Variants in LRP11 observed in about 807,000 individuals in gnomAD.
The protein encoded by LRP11 is low-density lipoprotein receptor-related protein 11.
A neutral mutation model predicts 43.1 loss-of-function variants in LRP11; 25 were observed. The observed-to-expected ratio is 0.58, with a 90% CI of 0.42 to 0.81. LRP11 has a LOEUF of 0.81. Ranked by LOEUF, LRP11 falls within the 30% of genes least tolerant of loss-of-function variation. LRP11 has a pLI of 0.00. For synonymous variants in LRP11, 316 were observed against 299.4 expected, an observed-to-expected ratio of 1.06 and a Z score of -0.57; for missense variants, 623 against 665.1, an observed-to-expected ratio of 0.94 and a Z score of 0.70.
chr6:149,845,048 A>G (rs1422737807), intron 2 of LRP11, among the ~76,000 whole-genome samples: 1 of 152,222 alleles, frequency 6.6e-6, no homozygotes, highest in East Asian at 1.9e-4. Context: ...TTAAGAGCAC[A>G]GAACCCGGTG....
Position 149,820,766 on chromosome 6 carries a change from C to A in LRP11, c.1349-63G>T. On this transcript the variant is annotated intron_variant, in intron 6 of 6. Coordinates refer to ENST00000239367, the MANE Select transcript of LRP11 (RefSeq NM_032832.6). ...ATTAGTCACAGTGACAGCTACTGGT[C>A]ACTATATGATACGCGCTTTGCATGC... 3.9e-6 allele frequency: 3 copies of A among 768,588 alleles called. No individual in the cohort carries two copies. The South Asian group carries it at 4.1e-5, about 11-fold the overall frequency. The allele number at this position is 768,588 out of a possible 1,614,324, so 47.6% of individuals were successfully genotyped here.
At chr6:149,847,438 T>C (rs1776653711) in intron 2 of LRP11, among the ~76,000 whole-genome samples, 1 of 152,218 alleles carries the variant, frequency 6.6e-6, no homozygotes, top group East Asian at 1.9e-4. Context: ...TGCATTCAGA[T>C]ATTTAGAAGA....
Position 149,863,557 on chromosome 6 carries a change from G to T in LRP11, c.464C>A (p.Ala155Glu). ...VELPRRPAPPAAVLGCYLFNC... is the reference protein window; with the variant it reads ...VELPRRPAPPEAVLGCYLFNC... The stretch of plus-strand genomic sequence containing the variant: ...GAAGAGGTAGCAGCCGAGCACGGCT[G>T]CCGGGGGCGCGGGGCGCCGGGGCAG... Residue 155 changes from alanine to glutamate, a missense_variant, in exon 1 of 7, where the codon GCA becomes GAA. Ala to Glu is a moderately radical substitution (Grantham distance 107, BLOSUM62 -1). Transcript: ENST00000239367. The T allele has an allele frequency of 2.2e-6, 3 of 1,376,688 alleles. No individual in the cohort carries two copies. Among genetic ancestry groups the T allele is most frequent in the Non-Finnish European group, 2.8e-6 (3 of 1,072,364 alleles). 85.3% of individuals were successfully genotyped at this position (1,376,688 alleles called of 1,614,324 possible).
chr6:149,859,396 A>ATATATATTTTTTTTTTTTTTTTT, intron 1 of LRP11, among the ~76,000 whole-genome samples: 7 of 71,496 alleles, frequency 9.8e-5, no homozygotes, highest in African/African-American at 4.9e-4. Context: ...ATATATATAT[A>ATATATATTTTTTTTTTTTTTTTT]TTTTTTTTTT....
At chr6:149,853,796 G>A (rs1776758846) in intron 1 of LRP11, among the ~76,000 whole-genome samples, 1 of 152,208 alleles carries the variant, frequency 6.6e-6, no homozygotes, top group African/African-American at 2.4e-5. Flanking sequence ...AGCAGCGTGA[G>A]CCACTGCGCC....
chr6:149,840,553 C>T (rs377188444), intron 3 of LRP11, among the ~76,000 whole-genome samples: 6 of 152,302 alleles, frequency 3.9e-5, no homozygotes, highest in African/African-American at 1.2e-4. Context: ...AACAAGTGGC[C>T]GGTGAGGTGC....
intron 1 of LRP11, among the ~76,000 whole-genome samples, chr6:149,859,398 T>TATATATATATATATATA (rs1562448086): frequency 4.7e-5 from 2 of 42,532 alleles, no homozygotes; most frequent in East Asian, 1.8e-3. Context: ...ATATATATAT[T>TATATATATATATATATA]TTTTTTTTTT....
chr6:149,859,345 T>C (rs1413287414), intron 1 of LRP11, among the ~76,000 whole-genome samples: 1 of 144,502 alleles, frequency 6.9e-6, no homozygotes, highest in Admixed American at 7.1e-5. Context: ...CTCATGTCCT[T>C]TGCCCATTTA....
rs762505450 is a variant in LRP11 at position 149,863,434 on chromosome 6, G to T, written c.587C>A (p.Ala196Asp). The T allele has an allele frequency of 1.5e-6, 2 of 1,313,328 alleles. No homozygotes were observed. Among genetic ancestry groups the T allele is most frequent in the African/African-American group, 3.1e-5 (2 of 65,082 alleles). 81.4% of individuals were successfully genotyped at this position (1,313,328 alleles called of 1,614,324 possible). A position where few individuals can be genotyped will look rare whatever the true frequency, so the allele number is the denominator to read the frequency against. ...CTGCCGGGGCGAGGCGCGCGCGGTGGCCAGGGCGGCGCCGTCCGGCGCGCG... is the reference window on the plus strand; with the variant it reads ...CTGCCGGGGCGAGGCGCGCGCGGTGTCCAGGGCGGCGCCGTCCGGCGCGCG... ...LSRAPDGAAL[A>D]TARASPRQEK... Residue 196 changes from alanine (A) to aspartate (D), a missense_variant, in exon 1 of 7, where the codon GCC (alanine) becomes GAC (aspartate). Transcript: ENST00000239367.
rs775277927 is a variant in LRP11, at chr6:149,843,002, G to A, written c.894C>T (p.Arg298=). ...TCTCACCTCCTGTGGAGTAGGCTGC[G>A]CGAAGCACTGTCACTGACACGTTGT... The part of the protein sequence containing the change: ...SSDNVSVTVL[R]AAYSTGGCLH... Residue 298 remains arginine, a synonymous_variant, in exon 3 of 7, where the codon CGC becomes CGT. Transcript: ENST00000239367. 22 of 1,614,062 alleles carry A rather than the reference G, an allele frequency of 1.4e-5. No individual in the cohort carries two copies. Among genetic ancestry groups the A allele is most frequent in the Middle Eastern group, 1.6e-4 (1 of 6,084 alleles).
At chr6:149,855,954 T>C (rs1044680415) in intron 1 of LRP11, among the ~76,000 whole-genome samples, 9 of 152,316 alleles carry the variant, frequency 5.9e-5, no homozygotes, top group Non-Finnish European at 1.0e-4. Context: ...TAAGGAGAGA[T>C]AGGACACTTG....
At chr6:149,859,397 T>TATATATATATATATATATATA (rs1491456220) in intron 1 of LRP11, among the ~76,000 whole-genome samples, 40 of 72,896 alleles carry the variant, frequency 5.5e-4, no homozygotes, top group South Asian at 2.9e-3. Context: ...TATATATATA[T>TATATATATATATATATATATA]TTTTTTTTTT....
chr6:149,859,396 A>ATATATATATATATATATATTTTTTTTT, intron 1 of LRP11, among the ~76,000 whole-genome samples: 1 of 71,496 alleles, frequency 1.4e-5, no homozygotes, highest in African/African-American at 8.2e-5. Flanking sequence ...ATATATATAT[A>ATATATATATATATATATATTTTTTTTT]TTTTTTTTTT....
In LRP11 at chr6:149,836,176, G is replaced by T; in HGVS notation, c.1161C>A (p.Ala387=). The change falls in exon 5 of 7, where the codon GCC becomes GCA. Residue 387 remains alanine (A), a synonymous_variant. Transcript: ENST00000239367. ...SLVEKSQKAT[A]PNKPPALSNT... is the part of the protein sequence containing the mutation. ...TTGATAATGCAGGTGGCTTGTTTGG[G>T]GCAGTGGCTTTCTGAGACTTTTCCA... The T allele has an allele frequency of 6.2e-7, 1 of 1,614,042 alleles. No individual in the cohort carries two copies. The highest frequency in any genetic ancestry group is 2.2e-5 in the East Asian group (1 of 44,864).
intron 2 of LRP11, among the ~76,000 whole-genome samples, chr6:149,848,184 AAAAAC>A (rs141329858): frequency 0.33 from 49,661 of 151,214 alleles, 9,408 homozygotes; most frequent in East Asian, 0.8. Flanking sequence ...TTAAAAAGTA[AAAAAC>A]AAAACAAAAC....
Position 149,863,576 on chromosome 6 carries a change from G to A in LRP11, c.445C>T (p.Arg149Trp), listed in dbSNP as rs750230007. 8.6e-6 allele frequency: 12 copies of A among 1,398,500 alleles called. No individual in the cohort carries two copies. The South Asian group carries it at 1.2e-4, about 14-fold the overall frequency. 86.6% of individuals were successfully genotyped at this position (1,398,500 alleles called of 1,614,324 possible). Residue 149 changes from arginine to tryptophan, a missense_variant, in exon 1 of 7, where the codon CGG becomes TGG. Physicochemically the swap from Arg to Trp is moderately radical, Grantham distance 101 (BLOSUM62 -3). Coordinates refer to ENST00000239367, the MANE Select transcript of LRP11 (RefSeq NM_032832.6). ...RCSVAVVELP[R>W]RPAPPAAVLG... is the part of the protein sequence containing the mutation. Reference sequence around the variant, plus strand: ...ACGGCTGCCGGGGGCGCGGGGCGCCGGGGCAGCTCCACCACGGCCACGGAG... The same window carrying A: ...ACGGCTGCCGGGGGCGCGGGGCGCCAGGGCAGCTCCACCACGGCCACGGAG...
chr6:149,863,072 A>G lies in LRP11; in HGVS notation c.613+336T>C, dbSNP rs146962172. On this transcript the variant is annotated intron_variant, in intron 1 of 6. Coordinates refer to ENST00000239367, the MANE Select transcript of LRP11 (RefSeq NM_032832.6). ...TAGATTTTGCTCTTGCAATTACTTA[A>G]CACAAACCATGCCTTATACAACCCA... Among the ~76,000 whole-genome samples, 572 of 152,318 alleles carry G rather than the reference A, an allele frequency of 3.8e-3. 2 individuals are homozygous for G. The highest frequency in any genetic ancestry group is 0.014 in the Middle Eastern group (4 of 294).
At chr6:149,825,466 G>A (rs1776326106) in intron 6 of LRP11, among the ~76,000 whole-genome samples, 1 of 151,986 alleles carries the variant, frequency 6.6e-6, no homozygotes, top group Non-Finnish European at 1.5e-5. Context: ...AACTGCCATC[G>A]TTTCTATATT....
intron 2 of LRP11, among the ~76,000 whole-genome samples, chr6:149,848,817 A>T (rs1776678431): frequency 6.6e-6 from 1 of 152,174 alleles, no homozygotes; most frequent in Non-Finnish European, 1.5e-5. Flanking sequence ...TATAATCTGT[A>T]CACCAAGCCC....
Sources: allele counts gnomAD v4.1 joint callset (sites outside exome capture counted in the v4.1 genomes callset), GRCh38; gene constraint gnomAD v4.1.1; transcripts MANE v1.5; gene names NCBI Gene and HGNC (gene_info 2026-07-23, HGNC 2026-07-21).